Variants in PCDH15 observed in about 807,000 individuals in gnomAD.
PCDH15 encodes protocadherin-15.
A neutral mutation model predicts 178.5 loss-of-function variants in PCDH15; 129 were observed. The observed-to-expected ratio is 0.72, with a 90% confidence interval of 0.63 to 0.84. The LOEUF (loss-of-function observed/expected upper bound fraction) is 0.84. PCDH15 is among the 40% of genes least tolerant of loss of function. PCDH15 has a pLI of 0.00. For synonymous variants in PCDH15, 800 were observed against 732.0 expected (o/e 1.09, Z -1.50); for missense variants, 2,230 against 2,099.9 (o/e 1.06, Z -1.21).
chr10:53,983,234 G>T (rs939826124), intron 21 of PCDH15, among the ~76,000 whole-genome samples: 8 of 145,978 alleles, frequency 5.5e-5, no homozygotes, highest in Non-Finnish European at 1.0e-4. Context: ...GTGTGTGTTT[G>T]TGTGTGTGTG....
chr10:54,703,127 C>T (rs1307927704), intron 1 of PCDH15, among the ~76,000 whole-genome samples: 1 of 152,008 alleles, frequency 6.6e-6, no homozygotes, highest in Non-Finnish European at 1.5e-5. Context: ...ACAACAAATC[C>T]ACATGATCAT....
chr10:54,444,856 A>AT (rs146581837), intron 3 of PCDH15, among the ~76,000 whole-genome samples: 3,598 of 151,630 alleles, frequency 0.024, 157 homozygotes, highest in African/African-American at 0.082. Context: ...CTCTAAGCAT[A>AT]TTTTTTTATC....
chr10:54,820,307 T>A (rs534578750), intron 3 of PCDH15, among the ~76,000 whole-genome samples: 2 of 152,220 alleles, frequency 1.3e-5, no homozygotes, highest in African/African-American at 4.8e-5. Flanking sequence ...CTCATCAGGA[T>A]AAAGAAAGTT....
chr10:54,109,601 T>C (rs972784412), intron 15 of PCDH15, among the ~76,000 whole-genome samples: 3 of 152,124 alleles, frequency 2.0e-5, no homozygotes, highest in Non-Finnish European at 2.9e-5. Context: ...AAGACAAACT[T>C]TGCATGATCT....
intron 1 of PCDH15, among the ~76,000 whole-genome samples, chr10:55,179,499 T>A (rs1839583991): frequency 6.6e-6 from 1 of 151,906 alleles, no homozygotes; most frequent in South Asian, 2.1e-4. Flanking sequence ...GATGATACCT[T>A]TTAACCAAAC....
At chr10:53,843,554 A>ATT (rs2077790308) in intron 28 of PCDH15, among the ~76,000 whole-genome samples, 1 of 151,972 alleles carries the variant, frequency 6.6e-6, no homozygotes, top group Non-Finnish European at 1.5e-5. Context: ...GGATGGTATG[A>ATT]TTTTGAGTTT....
At chr10:54,165,130 G>A (rs1192719345) in intron 13 of PCDH15, among the ~76,000 whole-genome samples, 1 of 152,130 alleles carries the variant, frequency 6.6e-6, no homozygotes, top group African/African-American at 2.4e-5. Context: ...GATTGCAAAT[G>A]TATTTATTTT....
At chr10:54,520,398 G>C (rs1336001677) in intron 3 of PCDH15, among the ~76,000 whole-genome samples, 1 of 152,064 alleles carries the variant, frequency 6.6e-6, no homozygotes, top group Non-Finnish European at 1.5e-5. Context: ...CAAAAAGTGG[G>C]CAAAGGATAT....
chr10:55,443,877 A>T (rs1839253894), intron 2 of PCDH15, among the ~76,000 whole-genome samples: 1 of 152,172 alleles, frequency 6.6e-6, no homozygotes, highest in African/African-American at 2.4e-5. Context: ...AAGACTTGGG[A>T]CCAACCAAAA....
chr10:54,934,384 T>TA (rs1837853722), intron 2 of PCDH15, among the ~76,000 whole-genome samples: 1 of 152,072 alleles, frequency 6.6e-6, no homozygotes, highest in South Asian at 2.1e-4. Flanking sequence ...AGTCTGAAAA[T>TA]ACTAAAAATT....
intron 34 of PCDH15, among the ~76,000 whole-genome samples, chr10:53,817,499 GT>G (rs149200300): frequency 0.033 from 4,280 of 130,936 alleles, 212 homozygotes; most frequent in African/African-American, 0.11. Context: ...TATATTCTTT[GT>G]TTTTTTTTTC....
At chr10:54,235,657 T>A (rs1382546121) in intron 9 of PCDH15, among the ~76,000 whole-genome samples, 1 of 152,180 alleles carries the variant, frequency 6.6e-6, no homozygotes, top group East Asian at 1.9e-4. Flanking sequence ...GTATTTTAAT[T>A]TATCTTTTAC....
intron 27 of PCDH15, among the ~76,000 whole-genome samples, chr10:53,858,234 G>A (rs368731216): frequency 8.0e-4 from 122 of 152,134 alleles, no homozygotes; most frequent in African/African-American, 2.6e-3. Flanking sequence ...ATTTAGCACC[G>A]TATCTCAATA....
intron 2 of PCDH15, among the ~76,000 whole-genome samples, chr10:55,028,981 T>G (rs1046092944): frequency 6.7e-5 from 2 of 29,646 alleles, no homozygotes; most frequent in Non-Finnish European, 1.8e-4. Context: ...GCATTCAAAT[T>G]TTTTTTGAGT....
intron 1 of PCDH15, among the ~76,000 whole-genome samples, chr10:54,725,084 G>C (rs1942285461): frequency 6.6e-6 from 1 of 151,412 alleles, no homozygotes; most frequent in African/African-American, 2.4e-5. Flanking sequence ...TTATGAATTT[G>C]TATGCCAGAA....
At chr10:54,933,436 C>G (rs1591792462) in intron 2 of PCDH15, among the ~76,000 whole-genome samples, 1 of 152,230 alleles carries the variant, frequency 6.6e-6, no homozygotes, top group East Asian at 1.9e-4. Context: ...AATAGAAAAA[C>G]ATGATTATTC....
intron 3 of PCDH15, among the ~76,000 whole-genome samples, chr10:54,425,375 T>C (rs1002762384): frequency 6.6e-5 from 10 of 152,118 alleles, no homozygotes; most frequent in African/African-American, 2.4e-4. Flanking sequence ...CGCCATATGA[T>C]ACCCTGTGCT....
At position 53,938,894 on chromosome 10, in the gene PCDH15, C is replaced by T. The variant is rs963311958; in HGVS notation, c.3294G>A (p.Glu1098=). 1 of 1,613,336 alleles carries T rather than the reference C, an allele frequency of 6.2e-7. No homozygotes were observed. ...VIYVNGPLDY[E]TRTSYVLRVQ... ...CTCGAAGTACATAGCTTGTCCTGGT[C>T]TCATAATCCAGAGGTCCATTCACAT... The change falls in exon 25 of 38, where the codon GAG becomes GAA. Residue 1098 remains glutamate, a synonymous_variant. Coordinates refer to ENST00000644397, the MANE Select transcript of PCDH15 (RefSeq NM_001384140.1).
Position 53,803,963 on chromosome 10 carries a change from T to C in PCDH15, c.*2616A>G, listed in dbSNP as rs958598598. 6.6e-6 allele frequency: 1 copy of C among 152,026 alleles called. No homozygotes were observed. Among genetic ancestry groups the C allele is most frequent in the African/African-American group, 2.4e-5 (1 of 41,448 alleles). 9.4% of individuals were successfully genotyped at this position (152,026 alleles called of 1,614,324 possible). ...GAAACGTTATTTATATGAAGTATTC[T>C]TAAGATTAAACATACCTGGGTATTT... is the stretch of plus-strand genomic sequence containing the variant. On this transcript the variant is annotated 3_prime_UTR_variant, in exon 38 of 38. Transcript: ENST00000644397.
Sources: gnomAD v4.1 joint callset for allele counts (sites outside exome capture counted in the v4.1 genomes callset) on GRCh38, gnomAD v4.1.1 for gene constraint, MANE v1.5 for transcripts, NCBI Gene and HGNC (gene_info 2026-07-23, HGNC 2026-07-21) for gene names.